NXPE4: variants seen among roughly 807,000 people sequenced by gnomAD.
The protein encoded by NXPE4 is neurexophilin and PC-esterase domain family member 4.
In NXPE4, 42 loss-of-function variants were observed where a neutral mutation model predicts 33.3. That is an observed-to-expected ratio of 1.26 (90% CI 0.98 to 1.63). NXPE4 has a LOEUF of 1.63. Ranked by LOEUF, NXPE4 falls within the 40% of genes most tolerant of loss-of-function variation. The probability of loss-of-function intolerance (pLI) is 0.00; values close to 1 mark genes in which losing one functional copy is unlikely to be tolerated. For missense variants in NXPE4, 709 were observed against 647.6 expected, an observed-to-expected ratio of 1.09 and a Z score of -1.03; for synonymous variants, 253 against 234.9, an observed-to-expected ratio of 1.08 and a Z score of -0.71.
chr11:114,643,340 A>G, the NXPE4 span, among the ~76,000 whole-genome samples: 4 of 152,062 alleles, frequency 2.6e-5, no homozygotes, highest in African/African-American at 9.6e-5. Context: ...CCATGCCTAC[A>G]TCCTGAATGG....
rs908406798 is a variant in NXPE4, at chr11:114,583,332, C to T, written c.97-311G>A. 6.5e-6 allele frequency: 4 copies of T among 619,698 alleles called. No individual in the cohort carries two copies. The African/African-American group carries it at 7.3e-5, about 11-fold the overall frequency. The allele number at this position is 619,698 out of a possible 1,614,324, so 38.4% of individuals were successfully genotyped here. On this transcript the variant is annotated intron_variant, in intron 2 of 5. Transcript: ENST00000375478. ...GTTGGAAATTACTATTATGGACAAG[C>T]CCACCCAAGGAATCCTCACTGAATC...
chr11:114,600,035 A>G (rs183635907), upstream of NXPE4, among the ~76,000 whole-genome samples: 468 of 152,306 alleles, frequency 3.1e-3, 2 homozygotes, highest in Middle Eastern at 0.041. Flanking sequence ...ATATGGCAAA[A>G]GTGAAGGAAA....
the NXPE4 span, among the ~76,000 whole-genome samples, chr11:114,638,882 G>A: frequency 6.6e-6 from 1 of 150,892 alleles, no homozygotes; most frequent in Non-Finnish European, 1.5e-5. Context: ...CTACTGGGGG[G>A]TGCCTCCTAG....
At chr11:114,600,717 A>C (rs1212941378), upstream of NXPE4, among the ~76,000 whole-genome samples, 2 of 152,054 alleles carry the variant, frequency 1.3e-5, no homozygotes, top group East Asian at 3.8e-4. Flanking sequence ...TAAAATCCAA[A>C]AAAAGTCTGT....
chr11:114,652,016 A>G, the NXPE4 span, among the ~76,000 whole-genome samples: 1 of 152,224 alleles, frequency 6.6e-6, no homozygotes, highest in Non-Finnish European at 1.5e-5. Context: ...TTGAAACTCA[A>G]TTGGAACTCC....
At position 114,580,212 on chromosome 11, in the gene NXPE4, C is replaced by T; in HGVS notation, c.1019G>A (p.Cys340Tyr). ...CSLATVKMKE[C>Y]LRGKLIYLMG... ...TAGGTATATGAGTTTTCCTCTCAGG[C>T]ATTCCTTCATTTTGACTGTAGCCAA... Residue 340 changes from cysteine (C) to tyrosine (Y), a missense_variant, in exon 5 of 6, where the codon TGC (cysteine) becomes TAC (tyrosine). Physicochemically the swap from Cys to Tyr is radical, Grantham distance 194. Transcript: ENST00000375478. 1.2e-6 allele frequency: 2 copies of T among 1,614,060 alleles called. No homozygotes were observed. The highest frequency in any genetic ancestry group is 1.7e-6 in the Non-Finnish European group (2 of 1,179,938).
chr11:114,577,699 T>C lies in NXPE4; in HGVS notation c.1099+2433A>G, dbSNP rs895716925. On this transcript the variant is annotated intron_variant, in intron 5 of 5. Transcript: ENST00000375478. The stretch of plus-strand genomic sequence containing the variant: ...GATTATGTGGTCAGTTTTGTAGATA[T>C]TATTTTTGTACATTTTGTTGATTGT... Among the ~76,000 whole-genome samples the C allele has an allele frequency of 3.3e-5, 5 of 152,288 alleles. No homozygotes were observed. In the South Asian group the frequency reaches 6.2e-4, roughly 19 times the overall value.
At chr11:114,662,674 T>C in the NXPE4 span, among the ~76,000 whole-genome samples, 12 of 152,144 alleles carry the variant, frequency 7.9e-5, no homozygotes, top group East Asian at 1.4e-3. Context: ...GGAAGAGTGG[T>C]GAGGACTTTG....
the NXPE4 span, among the ~76,000 whole-genome samples, chr11:114,621,934 G>A: frequency 6.6e-6 from 1 of 151,956 alleles, no homozygotes; most frequent in Non-Finnish European, 1.5e-5. Context: ...ATTGCCTCAT[G>A]GGTAACACCT....
chr11:114,636,875 A>G, the NXPE4 span, among the ~76,000 whole-genome samples: 8 of 152,058 alleles, frequency 5.3e-5, no homozygotes, highest in African/African-American at 1.9e-4. Flanking sequence ...GGAGAGGTTT[A>G]TTTCCAAGTA....
chr11:114,644,983 T>C, the NXPE4 span, among the ~76,000 whole-genome samples: 1 of 151,720 alleles, frequency 6.6e-6, no homozygotes, highest in Non-Finnish European at 1.5e-5. Context: ...CATAAACACT[T>C]AATAAATGAT....
At chr11:114,664,701 A>G in the NXPE4 span, among the ~76,000 whole-genome samples, 7 of 152,318 alleles carry the variant, frequency 4.6e-5, no homozygotes, top group African/African-American at 1.4e-4. Flanking sequence ...GTGGTGCAAA[A>G]GTGATAAGCA....
chr11:114,615,222 C>T, the NXPE4 span, among the ~76,000 whole-genome samples: 44 of 148,878 alleles, frequency 3.0e-4, no homozygotes, highest in Admixed American at 2.9e-3. Context: ...TACTAAGTAT[C>T]GCCTCTTGGG....
the NXPE4 span, among the ~76,000 whole-genome samples, chr11:114,634,578 A>G: frequency 9.9e-5 from 15 of 152,048 alleles, no homozygotes; most frequent in South Asian, 6.2e-4. Flanking sequence ...GTTTTCTTCT[A>G]GGGTTTTTAT....
At chr11:114,651,738 G>A in the NXPE4 span, among the ~76,000 whole-genome samples, 23,734 of 152,026 alleles carry the variant, frequency 0.16, 2,150 homozygotes, top group South Asian at 0.2. Context: ...CACACAGAGC[G>A]CTGATTGGTG....
chr11:114,600,491 A>G (rs1300387973), upstream of NXPE4, among the ~76,000 whole-genome samples: 1 of 152,156 alleles, frequency 6.6e-6, no homozygotes, highest in Non-Finnish European at 1.5e-5. Context: ...TATTCTTGAA[A>G]GCAATGTATA....
the NXPE4 span, among the ~76,000 whole-genome samples, chr11:114,606,953 GATA>G: frequency 6.6e-6 from 1 of 151,952 alleles, no homozygotes; most frequent in East Asian, 1.9e-4. Context: ...TTATCCTGTG[GATA>G]ATAAGTGTTG....
the NXPE4 span, among the ~76,000 whole-genome samples, chr11:114,639,742 T>A: frequency 0.18 from 21,176 of 116,894 alleles, 2,473 homozygotes; most frequent in Non-Finnish European, 0.22. Context: ...TATAAAATAA[T>A]ATATAATATA....
chr11:114,596,722 TG>T (rs1949576396), upstream of NXPE4, among the ~76,000 whole-genome samples: 1 of 152,204 alleles, frequency 6.6e-6, no homozygotes, highest in African/African-American at 2.4e-5. Context: ...GCAGTGGGTT[TG>T]GTTTGGCTGT....
Sources: gnomAD v4.1 joint callset for allele counts (sites outside exome capture counted in the v4.1 genomes callset) on GRCh38, gnomAD v4.1.1 for gene constraint, MANE v1.5 for transcripts, NCBI Gene and HGNC (gene_info 2026-07-23, HGNC 2026-07-21) for gene names.